Variants in ADRA1A observed in about 807,000 individuals in gnomAD.
ADRA1A encodes adrenoceptor alpha 1A, also known as alpha-1A adrenergic receptor.
A neutral mutation model predicts 29.6 loss-of-function variants in ADRA1A; 31 were observed. That is an observed-to-expected ratio of 1.05 (90% CI 0.79 to 1.41). The LOEUF is 1.41. Ranked by LOEUF, ADRA1A falls within the 40% of genes most tolerant of loss-of-function variation. The pLI, the probability that ADRA1A is intolerant of heterozygous loss-of-function variation, is 0.00. For missense variants in ADRA1A, 619 were observed against 601.1 expected (o/e 1.03, Z -0.31); for synonymous variants, 311 against 254.3 (o/e 1.22, Z -2.12).
chr8:26,783,403 C>T (rs1807139384), intron 2 of ADRA1A, among the ~76,000 whole-genome samples: 2 of 152,060 alleles, frequency 1.3e-5, no homozygotes, highest in South Asian at 4.2e-4. Context: ...ATCTTTTGTT[C>T]ACTAGGATGT....
intron 2 of ADRA1A, among the ~76,000 whole-genome samples, chr8:26,835,262 T>C (rs1249270387): frequency 6.6e-6 from 1 of 152,216 alleles, no homozygotes; most frequent in Non-Finnish European, 1.5e-5. Context: ...ACTTAACTTT[T>C]TGTAGTGTGC....
intron 2 of ADRA1A, among the ~76,000 whole-genome samples, chr8:26,859,762 A>G (rs1008421300): frequency 2.7e-5 from 4 of 148,126 alleles, no homozygotes; most frequent in South Asian, 2.1e-4. Flanking sequence ...CTCCTGTCAT[A>G]TCATTTTTCT....
intron 2 of ADRA1A, among the ~76,000 whole-genome samples, chr8:26,816,479 A>G (rs1011871851): frequency 2.0e-5 from 3 of 152,154 alleles, no homozygotes; most frequent in African/African-American, 7.2e-5. Flanking sequence ...AACAAGTAAC[A>G]GTGGTCTATG....
exon 3 of ADRA1A, chr8:26,756,409 C>T (rs535706994): frequency 2.5e-5 from 33 of 1,333,362 alleles, no homozygotes; most frequent in South Asian, 1.2e-4. Context: ...ACACCCTACA[C>T]GTGGCTGATG....
intron 2 of ADRA1A, among the ~76,000 whole-genome samples, chr8:26,829,087 T>C (rs531003951): frequency 1.2e-4 from 18 of 152,254 alleles, no homozygotes; most frequent in African/African-American, 4.3e-4. Flanking sequence ...CCACATGACA[T>C]ACATGACTGC....
At chr8:26,803,090 A>AG (rs1808708900) in intron 2 of ADRA1A, among the ~76,000 whole-genome samples, 2 of 152,108 alleles carry the variant, frequency 1.3e-5, no homozygotes, top group Admixed American at 6.6e-5. Flanking sequence ...GCGTAGTGGG[A>AG]GGGTGAAGAT....
chr8:26,784,360 A>T (rs1048802761), intron 2 of ADRA1A, among the ~76,000 whole-genome samples: 6 of 152,200 alleles, frequency 3.9e-5, no homozygotes, highest in African/African-American at 1.4e-4. Context: ...ATCTGCTCCA[A>T]TTAGGTGATT....
intron 2 of ADRA1A, among the ~76,000 whole-genome samples, chr8:26,758,033 C>T (rs1319100101): frequency 1.3e-5 from 2 of 152,186 alleles, no homozygotes; most frequent in African/African-American, 4.8e-5. Flanking sequence ...GTCTACAATT[C>T]AGAGAGCTTG....
rs937191200 is a variant in ADRA1A at position 26,769,784 on chromosome 8, C to T, written c.*365G>A. ...ACTTCCATCAAGAAATAGCTCCAAA[C>T]TTAGAGTGTGTGCTCAAAATATTCA... On this transcript the variant is annotated 3_prime_UTR_variant, in exon 3 of 3. Coordinates refer to ENST00000380573, the MANE Select transcript of ADRA1A (RefSeq NM_000680.4). 1 of 1,005,832 alleles carries T rather than the reference C, an allele frequency of 9.9e-7. No individual in the cohort carries two copies. The highest frequency in any genetic ancestry group is 1.2e-6 in the Non-Finnish European group (1 of 844,048). 62.3% of individuals were successfully genotyped at this position (1,005,832 alleles called of 1,614,324 possible). A position where few individuals can be genotyped will look rare whatever the true frequency, so the allele number is the denominator to read the frequency against.
At chr8:26,756,699 G>A (rs576918681) in exon 3 of ADRA1A, 2 of 1,613,856 alleles carry the variant, frequency 1.2e-6, no homozygotes, top group East Asian at 2.2e-5. Flanking sequence ...GACCAGTGGT[G>A]GGTTTCATGC....
At chr8:26,800,997 C>T (rs1327501024) in intron 2 of ADRA1A, among the ~76,000 whole-genome samples, 3 of 152,070 alleles carry the variant, frequency 2.0e-5, no homozygotes, top group Admixed American at 2.0e-4. Flanking sequence ...CAGTGTGATA[C>T]AGCATATCAA....
chr8:26,829,289 G>GCTGA (rs1810805711), intron 2 of ADRA1A, among the ~76,000 whole-genome samples: 1 of 152,122 alleles, frequency 6.6e-6, no homozygotes, highest in Non-Finnish European at 1.5e-5. Flanking sequence ...ACAAAGCAAG[G>GCTGA]CAAATTCAAG....
At chr8:26,850,730 G>A (rs891727691) in intron 2 of ADRA1A, among the ~76,000 whole-genome samples, 7 of 152,224 alleles carry the variant, frequency 4.6e-5, no homozygotes, top group African/African-American at 1.7e-4. Flanking sequence ...GGCCTCAAGT[G>A]ATCCGCCCAC....
intron 2 of ADRA1A, among the ~76,000 whole-genome samples, chr8:26,850,909 C>G (rs1812582986): frequency 6.6e-6 from 1 of 152,142 alleles, no homozygotes; most frequent in African/African-American, 2.4e-5. Context: ...CCAAGTCCAC[C>G]ACTGTCGCAT....
Position 26,788,881 on chromosome 8 carries a change from C to T in ADRA1A, c.884-18215G>A, listed in dbSNP as rs191534088. 2.7e-3 allele frequency among the ~76,000 whole-genome samples: 408 copies of T among 152,090 alleles called. 5 individuals carry two copies. The highest frequency in any genetic ancestry group is 0.023 in the Admixed American group (349 of 15,252). ...TGGCAAAATCAGATCCTGATTTAGA[C>T]AACAAAACAAAGCAATTTGAATCAA... is the stretch of plus-strand genomic sequence containing the variant. On this transcript the variant is annotated intron_variant, in intron 2 of 2. Coordinates refer to ENST00000380573, the MANE Select transcript of ADRA1A (RefSeq NM_000680.4).
rs968469199 is a variant in ADRA1A at position 26,805,711 on chromosome 8, T to C, written c.884-35045A>G. Among the ~76,000 whole-genome samples the C allele has an allele frequency of 2.0e-5, 3 of 152,184 alleles. No homozygotes were observed. Among genetic ancestry groups the C allele is most frequent in the African/African-American group, 7.2e-5 (3 of 41,442 alleles). On this transcript the variant is annotated intron_variant, in intron 2 of 2. Transcript: ENST00000380573. The surrounding 1 kb of genome is among the most constrained non-coding windows in gnomAD (Gnocchi z 4.8). ...AATAATTACTTGCTATGAAAAGTAT[T>C]ACAAGGCTTTCTTTTTTGTGTTGCT...
At chr8:26,760,580 C>T (rs570709397) in intron 2 of ADRA1A, among the ~76,000 whole-genome samples, 5 of 152,320 alleles carry the variant, frequency 3.3e-5, no homozygotes, top group African/African-American at 1.2e-4. Flanking sequence ...CCTTAACCCA[C>T]CTATCACTGG....
chr8:26,856,630 A>G (rs1813067155), intron 2 of ADRA1A, among the ~76,000 whole-genome samples: 1 of 151,974 alleles, frequency 6.6e-6, no homozygotes, highest in African/African-American at 2.4e-5. Context: ...GCCTTTAAAC[A>G]CCTACTCATT....
chr8:26,830,815 T>A (rs1276162043), intron 2 of ADRA1A, among the ~76,000 whole-genome samples: 1 of 152,194 alleles, frequency 6.6e-6, no homozygotes, highest in Non-Finnish European at 1.5e-5. Context: ...TTTTGGAATA[T>A]TAAAATTGTT....
Sources: gnomAD v4.1 joint callset for allele counts (sites outside exome capture counted in the v4.1 genomes callset) on GRCh38, gnomAD v4.1.1 for gene constraint, Gnocchi (gnomAD v3.1) non-coding constraint, MANE v1.5 for transcripts, NCBI Gene and HGNC (gene_info 2026-07-23, HGNC 2026-07-21) for gene names.